TRHDE: variants seen among roughly 807,000 people sequenced by gnomAD.
The protein encoded by TRHDE is thyrotropin releasing hormone degrading enzyme.
In TRHDE, 72 loss-of-function variants were observed where a neutral mutation model predicts 125.7. That is an observed-to-expected ratio of 0.57 (90% CI 0.47 to 0.70). The LOEUF is 0.70. TRHDE is among the 30% of genes least tolerant of loss of function. The pLI is 0.00. For synonymous variants in TRHDE, 509 were observed against 509.1 expected (o/e 1.00, Z 0.00); for missense variants, 1,110 against 1,327.1 (o/e 0.84, Z 2.54).
chr12:72,561,562 C>A (rs1166893626), intron 7 of TRHDE, among the ~76,000 whole-genome samples: 1 of 152,096 alleles, frequency 6.6e-6, no homozygotes, highest in African/African-American at 2.4e-5. Context: ...AATGGCAAGT[C>A]CTAAGGCCCA....
At chr12:72,091,834 A>T (rs1486260705) in intron 1 of TRHDE, among the ~76,000 whole-genome samples, 1 of 152,198 alleles carries the variant, frequency 6.6e-6, no homozygotes, top group Non-Finnish European at 1.5e-5. Context: ...ACCTATGATC[A>T]ATTAAGCAGC....
chr12:72,478,506 T>A (rs750162910), intron 5 of TRHDE, among the ~76,000 whole-genome samples: 3 of 126,202 alleles, frequency 2.4e-5, no homozygotes, highest in Non-Finnish European at 4.7e-5. Context: ...ACTGAAAATA[T>A]AAACGTCTTT....
chr12:72,200,417 T>C (rs565280713), intron 2 of TRHDE, among the ~76,000 whole-genome samples: 2 of 152,354 alleles, frequency 1.3e-5, no homozygotes, highest in African/African-American at 4.8e-5. Context: ...CCAAAAGATG[T>C]GTGTTAGAAT....
intron 2 of TRHDE, among the ~76,000 whole-genome samples, chr12:72,250,169 T>A (rs1366555939): frequency 6.6e-6 from 1 of 152,180 alleles, no homozygotes; most frequent in Non-Finnish European, 1.5e-5. Context: ...CCAAGGGAAC[T>A]TTTTAGGGTG....
intron 15 of TRHDE, among the ~76,000 whole-genome samples, chr12:72,632,994 T>C (rs149686956): frequency 6.6e-6 from 1 of 152,200 alleles, no homozygotes; most frequent in East Asian, 1.9e-4. Context: ...AGTGATCTTA[T>C]AGCCCAGCTA....
Position 72,663,393 on chromosome 12 carries a change from C to CAG in TRHDE, c.*198_*199insAG. ...GTTTCATTCATTCTGTTCTGTTTCT[C>CAG]TACTGGGTGTTCCTCTCTAAAGAAA... On this transcript the variant is annotated 3_prime_UTR_variant, in exon 19 of 19. Transcript: ENST00000261180. 2.4e-6 allele frequency: 1 copy of CAG among 417,730 alleles called. No homozygotes were observed. The highest frequency in any genetic ancestry group is 4.2e-6 in the Non-Finnish European group (1 of 237,064). 25.9% of individuals were successfully genotyped at this position (417,730 alleles called of 1,614,324 possible). A position where few individuals can be genotyped will look rare whatever the true frequency, so the allele number is the denominator to read the frequency against.
intron 2 of TRHDE, among the ~76,000 whole-genome samples, chr12:72,118,830 C>A (rs992010118): frequency 1.3e-5 from 2 of 152,098 alleles, no homozygotes; most frequent in African/African-American, 4.8e-5. Flanking sequence ...GACTTACTGG[C>A]ATATAGTTGC....
At chr12:72,304,230 A>G (rs548097159) in intron 2 of TRHDE, among the ~76,000 whole-genome samples, 3 of 152,284 alleles carry the variant, frequency 2.0e-5, no homozygotes, top group African/African-American at 7.2e-5. Flanking sequence ...TATTGGTAAT[A>G]TGAATGTCAA....
intron 3 of TRHDE, among the ~76,000 whole-genome samples, chr12:72,395,318 C>T (rs1377173707): frequency 6.6e-6 from 1 of 152,124 alleles, no homozygotes; most frequent in African/African-American, 2.4e-5. Context: ...CCTTGAGAGG[C>T]CTTAATCTTC....
At chr12:72,196,699 T>C (rs1368979400) in intron 2 of TRHDE, among the ~76,000 whole-genome samples, 4 of 152,108 alleles carry the variant, frequency 2.6e-5, no homozygotes, top group Non-Finnish European at 2.9e-5. Flanking sequence ...ATAAACTCAT[T>C]ATTATTTCAT....
rs1874717245 is a variant in TRHDE, at chr12:72,656,609, G to A, written c.2985-318G>A. 5.9e-5 allele frequency among the ~76,000 whole-genome samples: 9 copies of A among 152,108 alleles called. No homozygotes were observed. The South Asian group carries it at 1.9e-3, about 32-fold the overall frequency. On this transcript the variant is annotated intron_variant, in intron 17 of 18. Coordinates refer to ENST00000261180, the MANE Select transcript of TRHDE (RefSeq NM_013381.3). ...GTAATTGAAAGTTTTAAAATATTTT[G>A]TTCTCAGGCCTTGGCTTGGAAATAT...
chr12:72,438,122 C>T lies in TRHDE; in HGVS notation c.1316-31636C>T, dbSNP rs1008583641. Among the ~76,000 whole-genome samples the T allele has an allele frequency of 1.1e-4, 17 of 151,652 alleles. No individual in the cohort carries two copies. In the East Asian group the frequency reaches 1.2e-3, roughly 10 times the overall value. On this transcript the variant is annotated intron_variant, in intron 3 of 18. Coordinates refer to ENST00000261180, the MANE Select transcript of TRHDE (RefSeq NM_013381.3). Reference sequence around the variant, plus strand: ...AATGACAGGCTTTTCTTCTTTTATACGGCCGAATAGTATTTCATTGTGTAT... The same window carrying T: ...AATGACAGGCTTTTCTTCTTTTATATGGCCGAATAGTATTTCATTGTGTAT...
At chr12:72,604,074 A>AAAAT (rs1336478754) in intron 12 of TRHDE, among the ~76,000 whole-genome samples, 3 of 152,186 alleles carry the variant, frequency 2.0e-5, no homozygotes, top group Non-Finnish European at 4.4e-5. Flanking sequence ...TGAAAGTTAC[A>AAAAT]AAATAGAAGG....
intron 2 of TRHDE, among the ~76,000 whole-genome samples, chr12:72,138,283 G>T (rs1252499411): frequency 6.6e-6 from 1 of 152,076 alleles, no homozygotes. Flanking sequence ...GCTGAGGCAG[G>T]GGAATTGCTT....
chr12:72,637,270 G>T (rs1873802749), intron 15 of TRHDE, among the ~76,000 whole-genome samples: 1 of 152,154 alleles, frequency 6.6e-6, no homozygotes. Flanking sequence ...ATTTCTTCTA[G>T]ATTTTCTAGT....
intron 2 of TRHDE, among the ~76,000 whole-genome samples, chr12:72,186,980 G>A (rs2139345774): frequency 6.6e-6 from 1 of 152,068 alleles, no homozygotes; most frequent in East Asian, 1.9e-4. Context: ...GAAGGATGAG[G>A]CATATGACCA....
At chr12:72,349,801 G>C (rs1870500533) in intron 2 of TRHDE, among the ~76,000 whole-genome samples, 1 of 152,020 alleles carries the variant, frequency 6.6e-6, no homozygotes, top group South Asian at 2.1e-4. Context: ...GTCTTGCCCT[G>C]TTATTTCCTA....
chr12:72,430,586 G>C (rs1874434837), intron 3 of TRHDE, among the ~76,000 whole-genome samples: 1 of 151,336 alleles, frequency 6.6e-6, no homozygotes, highest in Non-Finnish European at 1.5e-5. Flanking sequence ...ATAAATATGA[G>C]GATTGTTTTC....
chr12:72,225,746 T>C (rs1878116372), intron 2 of TRHDE, among the ~76,000 whole-genome samples: 1 of 152,162 alleles, frequency 6.6e-6, no homozygotes, highest in Admixed American at 6.6e-5. Flanking sequence ...AATATTTCTT[T>C]TGTGGTCCTG....
Sources: allele counts gnomAD v4.1 joint callset (sites outside exome capture counted in the v4.1 genomes callset), GRCh38; gene constraint gnomAD v4.1.1; transcripts MANE v1.5; gene names NCBI Gene and HGNC (gene_info 2026-07-23, HGNC 2026-07-21).